MAST2: variants seen among roughly 807,000 people sequenced by gnomAD.
MAST2 encodes the protein microtubule-associated serine/threonine-protein kinase 2.
MAST2 carries 70 observed loss-of-function variants against 147.4 expected under a neutral mutation model. The ratio of observed to expected loss-of-function variants is 0.47; its 90% CI spans 0.39 to 0.58. The LOEUF (loss-of-function observed/expected upper bound fraction) is 0.58, where lower values mean the gene tolerates loss of function less well. Ranked by LOEUF, MAST2 falls within the 20% of genes least tolerant of loss-of-function variation. The probability of loss-of-function intolerance (pLI) is 0.00; values close to 1 mark genes in which losing one functional copy is unlikely to be tolerated. For missense variants in MAST2, 2,080 were observed against 2,302.3 expected (o/e 0.90, Z 1.98); for synonymous variants, 869 against 896.8 (o/e 0.97, Z 0.55).
At chr1:46,027,682 C>CTT in intron 16 of MAST2, 49 bp from the exon 17 acceptor site, 1 of 1,587,786 alleles carries the variant, frequency 6.3e-7, no homozygotes. Context: ...AATCAGTACT[C>CTT]TCAGAAAACC....
At position 46,035,904 on chromosome 1, in the gene MAST2, A is replaced by G. The variant is rs747327820; in HGVS notation, c.5235A>G (p.Gln1745=). The G allele has an allele frequency of 1.2e-6, 2 of 1,614,032 alleles. No individual in the cohort carries two copies. The highest frequency in any genetic ancestry group is 3.3e-5 in the Admixed American group (2 of 60,022). Residue 1745 remains glutamine (Q), a synonymous_variant, in exon 29 of 29, where the codon CAA becomes CAG. Coordinates refer to ENST00000361297, the MANE Select transcript of MAST2 (RefSeq NM_015112.3). This position sits in a 1 kb window ranked among gnomAD's most constrained non-coding sequence, Gnocchi z 5.5. ...AGGATCCAGCCCTGAGCATCACCCAAGTGCCTGATGCCTCAGGTGACAGAA... is the reference window on the plus strand; with the variant it reads ...AGGATCCAGCCCTGAGCATCACCCAGGTGCCTGATGCCTCAGGTGACAGAA... The part of the protein sequence containing the change: ...VKEDPALSIT[Q]VPDASGDRRQ...
At chr1:45,852,330 C>A (rs1237342250) in intron 3 of MAST2, among the ~76,000 whole-genome samples, 2 of 152,062 alleles carry the variant, frequency 1.3e-5, no homozygotes, top group South Asian at 4.1e-4. Flanking sequence ...CTTGCAACCA[C>A]TAATGTGTTC....
chr1:45,997,591 A>G, intron 5 of MAST2, 133 bp from the exon 6 acceptor site: 2 of 703,770 alleles, frequency 2.8e-6, no homozygotes, highest in South Asian at 1.7e-5. Context: ...AAAGAGACTC[A>G]TTAAACTGAT....
intron 4 of MAST2, among the ~76,000 whole-genome samples, chr1:45,892,224 T>A (rs949787152): frequency 6.6e-6 from 1 of 152,164 alleles, no homozygotes; most frequent in Non-Finnish European, 1.5e-5. Flanking sequence ...ATAACCATAT[T>A]GCCTTGAACT....
chr1:45,908,954 T>C (rs189018446), intron 4 of MAST2, among the ~76,000 whole-genome samples: 3 of 152,342 alleles, frequency 2.0e-5, no homozygotes, highest in Admixed American at 6.5e-5. Context: ...TCTATTCTTA[T>C]GGTAATTTGT....
At chr1:45,839,028 T>C (rs368218125) in intron 3 of MAST2, among the ~76,000 whole-genome samples, 1 of 151,788 alleles carries the variant, frequency 6.6e-6, no homozygotes, top group Non-Finnish European at 1.5e-5. Context: ...GGCTGGAGTA[T>C]AGGGGTGTGA....
At chr1:45,854,621 A>G (rs959560640) in intron 3 of MAST2, among the ~76,000 whole-genome samples, 2 of 152,178 alleles carry the variant, frequency 1.3e-5, no homozygotes, top group Non-Finnish European at 2.9e-5. Flanking sequence ...TTAAACCTAT[A>G]AAGAAATATG....
At chr1:45,937,492 G>A (rs1040478825) in intron 4 of MAST2, among the ~76,000 whole-genome samples, 5 of 152,004 alleles carry the variant, frequency 3.3e-5, no homozygotes, top group African/African-American at 1.2e-4. Context: ...GCTTACGCCT[G>A]TAATCCTAGC....
rs201383973 is a variant in MAST2 at position 46,031,334 on chromosome 1, T to C, written c.2992+44T>C. On this transcript the variant is annotated intron_variant, in intron 23 of 28. Transcript: ENST00000361297. The surrounding 1 kb of genome is among the most constrained non-coding windows in gnomAD (Gnocchi z 4.1). ...CCAAACGACCTAAGCTGGAGGATAC[T>C]GCAGGGCAGGGAGGCTCAGCGGCAT... 1.7e-3 allele frequency: 2,673 copies of C among 1,569,008 alleles called. 12 individuals are homozygous for C. The highest frequency in any genetic ancestry group is 3.2e-3 in the Middle Eastern group (19 of 5,852).
At chr1:45,841,584 G>A (rs1026292768) in intron 3 of MAST2, among the ~76,000 whole-genome samples, 4 of 152,032 alleles carry the variant, frequency 2.6e-5, no homozygotes, top group Admixed American at 6.6e-5. Context: ...ACAGGATTTC[G>A]CCATGTTGTG....
intron 4 of MAST2, among the ~76,000 whole-genome samples, chr1:45,938,120 C>T (rs1320809194): frequency 6.6e-6 from 1 of 152,130 alleles, no homozygotes; most frequent in East Asian, 1.9e-4. Flanking sequence ...ATATTCATTC[C>T]TTTCTATTGT....
intron 4 of MAST2, among the ~76,000 whole-genome samples, chr1:45,930,141 G>A (rs929218653): frequency 1.3e-5 from 2 of 151,802 alleles, no homozygotes; most frequent in African/African-American, 2.4e-5. Context: ...GCTGGAGTGC[G>A]CGATCTCAGC....
intron 4 of MAST2, among the ~76,000 whole-genome samples, chr1:45,922,095 C>T (rs1027786739): frequency 1.2e-4 from 18 of 152,190 alleles, no homozygotes; most frequent in Non-Finnish European, 2.2e-4. Context: ...TTTCTGCAGG[C>T]AGGTGGTCCC....
At chr1:45,931,692 C>T (rs1655332070) in intron 4 of MAST2, among the ~76,000 whole-genome samples, 1 of 151,860 alleles carries the variant, frequency 6.6e-6, no homozygotes, top group Admixed American at 6.6e-5. Flanking sequence ...CAGGACTTCA[C>T]CATATTGGTG....
At chr1:45,970,578 G>A (rs1643875008) in intron 5 of MAST2, among the ~76,000 whole-genome samples, 1 of 146,788 alleles carries the variant, frequency 6.8e-6, no homozygotes, top group Non-Finnish European at 1.5e-5. Flanking sequence ...TGAGGCGGGA[G>A]AACGGCTTGA....
At chr1:46,017,724 T>G (rs1228430541) in intron 10 of MAST2, among the ~76,000 whole-genome samples, 1 of 152,162 alleles carries the variant, frequency 6.6e-6, no homozygotes, top group South Asian at 2.1e-4. Flanking sequence ...TTGGTGGGAC[T>G]GTAAACTAGT....
chr1:45,992,911 A>T (rs1294179128), intron 5 of MAST2, among the ~76,000 whole-genome samples: 1 of 151,714 alleles, frequency 6.6e-6, no homozygotes, highest in Non-Finnish European at 1.5e-5. Flanking sequence ...TATGTCCTTT[A>T]TTGGCTTATA....
intron 4 of MAST2, among the ~76,000 whole-genome samples, chr1:45,920,199 G>T (rs1364877503): frequency 6.6e-6 from 1 of 152,134 alleles, no homozygotes; most frequent in Non-Finnish European, 1.5e-5. Context: ...CATGTTCTTG[G>T]ATAGTTTCCT....
chr1:45,879,684 G>T (rs1646762223), intron 3 of MAST2, among the ~76,000 whole-genome samples: 1 of 150,998 alleles, frequency 6.6e-6, no homozygotes, highest in Admixed American at 6.6e-5. Flanking sequence ...AGATTATGAA[G>T]AGCTCTTATA....
Sources: gnomAD v4.1 joint callset for allele counts (sites outside exome capture counted in the v4.1 genomes callset) on GRCh38, gnomAD v4.1.1 for gene constraint, Gnocchi (gnomAD v3.1) non-coding constraint, MANE v1.5 for transcripts, NCBI Gene and HGNC (gene_info 2026-07-23, HGNC 2026-07-21) for gene names.